The following RALB variants were observed in gnomAD, a reference collection of about 807,000 sequenced individuals.
RALB encodes ras-related protein Ral-B.
A neutral mutation model predicts 21.3 loss-of-function variants in RALB; 16 were observed. The ratio of observed to expected loss-of-function variants is 0.75; its 90% CI spans 0.51 to 1.14. The LOEUF (loss-of-function observed/expected upper bound fraction) is 1.14. Ranked by LOEUF, RALB falls within the 50% of genes most tolerant of loss-of-function variation. The pLI, the probability that RALB is intolerant of heterozygous loss-of-function variation, is 0.00. For missense variants in RALB, 161 were observed against 256.2 expected (o/e 0.63, Z 2.54); for synonymous variants, 93 against 96.1 (o/e 0.97, Z 0.19).
chr2:120,278,618 C>T lies in RALB; in HGVS notation c.-47C>T. ...AAGTCTTTGTCTTTGTCATCAGCAG[C>T]TCTTCAGTGGGTCATCTGTGTGTCA... On this transcript the variant is annotated splice_region_variant and 5_prime_UTR_variant, in exon 2 of 5. Transcript: ENST00000272519. The T allele has an allele frequency of 5.3e-6, 8 of 1,499,092 alleles. No individual in the cohort carries two copies. Among genetic ancestry groups the T allele is most frequent in the Non-Finnish European group, 7.1e-6 (8 of 1,122,188 alleles). 92.9% of individuals were successfully genotyped at this position (1,499,092 alleles called of 1,614,324 possible).
chr2:120,270,529 A>T (rs1689636271), intron 1 of RALB, among the ~76,000 whole-genome samples: 1 of 152,258 alleles, frequency 6.6e-6, no homozygotes, highest in Non-Finnish European at 1.5e-5. Context: ...GCAGAAACAT[A>T]GAACCCAAAA....
intron 2 of RALB, among the ~76,000 whole-genome samples, 154 bp downstream of exon 2, chr2:120,278,932 A>C (rs1225303058): frequency 6.6e-6 from 1 of 152,214 alleles, no homozygotes; most frequent in African/African-American, 2.4e-5. Context: ...GGAAGGTCTA[A>C]TCAGCATAAG....
chr2:120,266,856 A>G (rs3889223), intron 1 of RALB, among the ~76,000 whole-genome samples: 78,262 of 151,894 alleles, frequency 0.52, 20,735 homozygotes, highest in Middle Eastern at 0.7. Flanking sequence ...GGGCACACAA[A>G]GATGAATGGG....
At chr2:120,291,480 T>C (rs1690302179) in intron 4 of RALB, among the ~76,000 whole-genome samples, 1 of 152,160 alleles carries the variant, frequency 6.6e-6, no homozygotes, top group Admixed American at 6.5e-5. Flanking sequence ...TGGATGTGTA[T>C]TTCCTGGATG....
chr2:120,273,355 G>A (rs979840804), intron 1 of RALB, among the ~76,000 whole-genome samples: 1 of 152,086 alleles, frequency 6.6e-6, no homozygotes, highest in African/African-American at 2.4e-5. Context: ...GTCCATGTGG[G>A]GTCAGTCTGA....
intron 1 of RALB, among the ~76,000 whole-genome samples, chr2:120,266,667 C>T (rs758086613): frequency 1.3e-5 from 2 of 152,036 alleles, no homozygotes; most frequent in East Asian, 1.9e-4. Flanking sequence ...GTCATGATCA[C>T]GCCACTGTAC....
At chr2:120,254,659 C>G (rs1340858369) in intron 1 of RALB, among the ~76,000 whole-genome samples, 1 of 143,042 alleles carries the variant, frequency 7.0e-6, no homozygotes, top group African/African-American at 2.7e-5. Context: ...AATTTTAAGC[C>G]TGAGAATTGA....
chr2:120,242,612 C>G (rs2104563805), intron 1 of RALB, among the ~76,000 whole-genome samples: 1 of 152,216 alleles, frequency 6.6e-6, no homozygotes, highest in South Asian at 2.1e-4. Flanking sequence ...GTGGCAGGCG[C>G]CTGTTGTCCC....
chr2:120,257,602 G>T (rs973268415), intron 1 of RALB, among the ~76,000 whole-genome samples: 3 of 152,120 alleles, frequency 2.0e-5, no homozygotes, highest in Non-Finnish European at 4.4e-5. Flanking sequence ...CAGAAGACAA[G>T]CTTTTCTGAG....
rs148668250 is a variant in RALB, at chr2:120,268,716, A to G, written c.-47-9902A>G. 2.0e-3 allele frequency among the ~76,000 whole-genome samples: 306 copies of G among 152,318 alleles called. 2 individuals are homozygous for G. The highest frequency in any genetic ancestry group is 6.4e-3 in the African/African-American group (266 of 41,560). ...TCCACTCAGTGTTCAGATTTCCTCA[A>G]TTTACTTTGTTCAAATTAGGCAAAA... On this transcript the variant is annotated intron_variant, in intron 1 of 4. Coordinates refer to ENST00000272519, the MANE Select transcript of RALB (RefSeq NM_002881.3).
chr2:120,259,574 G>A (rs1360993493), intron 1 of RALB, among the ~76,000 whole-genome samples: 2 of 151,896 alleles, frequency 1.3e-5, no homozygotes, highest in Non-Finnish European at 2.9e-5. Flanking sequence ...GTCGATTGGT[G>A]CACTCACAAA....
At chr2:120,264,619 A>C (rs1689454091) in intron 1 of RALB, among the ~76,000 whole-genome samples, 1 of 152,226 alleles carries the variant, frequency 6.6e-6, no homozygotes, top group African/African-American at 2.4e-5. Context: ...GATAAAATTC[A>C]ACATTTTACC....
chr2:120,240,286 T>A (rs1217768169), intron 1 of RALB, among the ~76,000 whole-genome samples: 7 of 142,242 alleles, frequency 4.9e-5, no homozygotes, highest in Admixed American at 2.7e-4. Context: ...TTTTTATTTT[T>A]ATTTTTATTT....
intron 1 of RALB, among the ~76,000 whole-genome samples, chr2:120,275,158 A>AC (rs1329008376): frequency 6.6e-6 from 1 of 152,238 alleles, no homozygotes; most frequent in Non-Finnish European, 1.5e-5. Context: ...CTGTTGGCGC[A>AC]CAGATGGTGT....
chr2:120,290,630 C>G (rs1485924584), intron 4 of RALB, among the ~76,000 whole-genome samples: 1 of 81,246 alleles, frequency 1.2e-5, no homozygotes, highest in Non-Finnish European at 2.7e-5. Context: ...TCTCTGGGAT[C>G]TCTTTTTTTT....
At chr2:120,284,943 G>A (rs1690090107) in intron 2 of RALB, among the ~76,000 whole-genome samples, 1 of 152,164 alleles carries the variant, frequency 6.6e-6, no homozygotes, top group Non-Finnish European at 1.5e-5. Flanking sequence ...GTTCCATGTT[G>A]CAGCGTGCGT....
rs145072639 is a variant in RALB, at chr2:120,258,794, G to A, written c.-48+5814G>A. ...CTTCCAGGTCCCTGGCTTTGGTAACGATACGGATACTAGCGTGTCCGGAAT... is the reference window on the plus strand; with the variant it reads ...CTTCCAGGTCCCTGGCTTTGGTAACAATACGGATACTAGCGTGTCCGGAAT... On this transcript the variant is annotated intron_variant, in intron 1 of 4. Transcript: ENST00000272519. 3.0e-3 allele frequency among the ~76,000 whole-genome samples: 464 copies of A among 152,342 alleles called. 2 individuals carry two copies. The highest frequency in any genetic ancestry group is 0.011 in the African/African-American group (442 of 41,572).
chr2:120,253,173 T>TG (rs893225914), intron 1 of RALB, 193 bp downstream of exon 1: 2 of 342,958 alleles, frequency 5.8e-6, no homozygotes, highest in Non-Finnish European at 8.2e-6. Context: ...GAGGACTCCC[T>TG]GGGGGAGTCT....
At chr2:120,257,341 C>A (rs987358734) in intron 1 of RALB, among the ~76,000 whole-genome samples, 9 of 152,142 alleles carry the variant, frequency 5.9e-5, no homozygotes, top group African/African-American at 1.7e-4. Context: ...ACTTTTGAGA[C>A]CCTCATACAT....
Sources: gnomAD v4.1 joint callset for allele counts (sites outside exome capture counted in the v4.1 genomes callset) on GRCh38, gnomAD v4.1.1 for gene constraint, MANE v1.5 for transcripts, NCBI Gene and HGNC (gene_info 2026-07-23, HGNC 2026-07-21) for gene names.